The following CTNNA2 variants were observed in gnomAD, a reference collection of about 807,000 sequenced individuals.
CTNNA2 encodes the protein catenin alpha-2.
CTNNA2 carries 42 observed loss-of-function variants against 101.0 expected under a neutral mutation model. The ratio of observed to expected loss-of-function variants is 0.42; its 90% confidence interval spans 0.32 to 0.54. The LOEUF (loss-of-function observed/expected upper bound fraction) is 0.54. CTNNA2 is among the 20% of genes least tolerant of loss of function. The probability of loss-of-function intolerance (pLI) is 0.14; values close to 1 mark genes in which losing one functional copy is unlikely to be tolerated. For missense variants in CTNNA2, 871 were observed against 1,223.1 expected, an observed-to-expected ratio of 0.71 and a Z score of 4.29; for synonymous variants, 450 against 456.4, an observed-to-expected ratio of 0.99 and a Z score of 0.18.
chr2:79,847,126 C>A (rs1574119171), intron 3 of CTNNA2, among the ~76,000 whole-genome samples: 1 of 152,226 alleles, frequency 6.6e-6, no homozygotes, highest in East Asian at 1.9e-4. Context: ...CTTGACATTT[C>A]CCTTCTTAAA....
chr2:80,132,491 G>T (rs1468132549), intron 7 of CTNNA2, among the ~76,000 whole-genome samples: 1 of 152,192 alleles, frequency 6.6e-6, no homozygotes. Flanking sequence ...CAAGTGCAAA[G>T]TCTAGAAGCA....
rs553017164 is a variant in CTNNA2 at position 79,883,502 on chromosome 2, T to G, written c.852+9160T>G. ...AAATAATTGATAATCAATGGAAAAC[T>G]CAGCCTCTGTTTAGATGTGGCAGCT... is the stretch of plus-strand genomic sequence containing the variant. On this transcript the variant is annotated intron_variant, in intron 6 of 18. Transcript: ENST00000402739. Among the ~76,000 whole-genome samples the G allele has an allele frequency of 3.3e-5, 5 of 152,322 alleles. 1 individual carries two copies. In the East Asian group the frequency reaches 7.7e-4, roughly 24 times the overall value.
At chr2:80,104,104 A>G (rs796690077) in intron 7 of CTNNA2, among the ~76,000 whole-genome samples, 19 of 152,264 alleles carry the variant, frequency 1.2e-4, no homozygotes, top group African/African-American at 4.6e-4. Flanking sequence ...TCTCACAGTA[A>G]TACTAGATTG....
At chr2:80,577,569 TGAGAACA>T (rs1268208147) in intron 13 of CTNNA2, among the ~76,000 whole-genome samples, 2 of 152,106 alleles carry the variant, frequency 1.3e-5, no homozygotes, top group African/African-American at 2.4e-5. Context: ...GCCATGCTGG[TGAGAACA>T]GAATGTATGG....
intron 7 of CTNNA2, among the ~76,000 whole-genome samples, chr2:80,229,370 A>G (rs542252386): frequency 4.6e-5 from 7 of 152,306 alleles, no homozygotes; most frequent in Admixed American, 2.0e-4. Context: ...TTGACTGTCT[A>G]TCAGAGGTCC....
At chr2:79,847,388 C>A (rs1378154599) in intron 3 of CTNNA2, among the ~76,000 whole-genome samples, 1 of 151,536 alleles carries the variant, frequency 6.6e-6, no homozygotes, top group Non-Finnish European at 1.5e-5. Context: ...ACTAAAAGTA[C>A]AAAAATTAGC....
At chr2:80,098,503 T>G (rs2148835215) in intron 7 of CTNNA2, among the ~76,000 whole-genome samples, 1 of 152,318 alleles carries the variant, frequency 6.6e-6, no homozygotes, top group Admixed American at 6.5e-5. Context: ...TCAAGCTGCG[T>G]GTTGGGAGAA....
rs556694352 is a variant in CTNNA2, at chr2:80,324,701, T to G, written c.1057-68510T>G. ...TCCTTTTTTGGCGTGACCTTGAGAC[T>G]CCAAATCATCTGGACCTTGACCACC... On this transcript the variant is annotated intron_variant, in intron 7 of 18. Coordinates refer to ENST00000402739, the MANE Select transcript of CTNNA2 (RefSeq NM_001282597.3). 2.0e-4 allele frequency among the ~76,000 whole-genome samples: 31 copies of G among 152,290 alleles called. No individual in the cohort carries two copies. In the South Asian group the frequency reaches 6.2e-3, roughly 31 times the overall value.
chr2:80,040,702 C>A (rs1035131951), intron 7 of CTNNA2, among the ~76,000 whole-genome samples: 3 of 152,166 alleles, frequency 2.0e-5, no homozygotes, highest in African/African-American at 7.2e-5. Context: ...TAATTCACTC[C>A]CAGGCCTCTG....
intron 2 of CTNNA2, among the ~76,000 whole-genome samples, chr2:79,672,997 A>G (rs1022192969): frequency 1.3e-5 from 2 of 152,078 alleles, no homozygotes; most frequent in Non-Finnish European, 2.9e-5. Context: ...TGTGAGCCAC[A>G]GGGCACGGCC....
chr2:80,076,483 A>G (rs1698760566), intron 7 of CTNNA2, among the ~76,000 whole-genome samples: 1 of 150,940 alleles, frequency 6.6e-6, no homozygotes, highest in Non-Finnish European at 1.5e-5. Context: ...AGATCTCACT[A>G]TGTTGCCCAG....
intron 7 of CTNNA2, among the ~76,000 whole-genome samples, chr2:80,046,355 C>A (rs1315741865): frequency 6.6e-6 from 1 of 152,002 alleles, no homozygotes; most frequent in Non-Finnish European, 1.5e-5. Context: ...ATATATGTCT[C>A]CATCCACAGG....
intron 2 of CTNNA2, among the ~76,000 whole-genome samples, chr2:79,219,377 T>C (rs1387534500): frequency 6.6e-6 from 1 of 152,210 alleles, no homozygotes; most frequent in Non-Finnish European, 1.5e-5. Flanking sequence ...CGCACCGTCC[T>C]ATAGAGTAGC....
At chr2:79,302,109 A>T (rs1676126652) in intron 2 of CTNNA2, among the ~76,000 whole-genome samples, 1 of 151,766 alleles carries the variant, frequency 6.6e-6, no homozygotes, top group Non-Finnish European at 1.5e-5. Context: ...CAAATAAATA[A>T]ATAAATAAGT....
chr2:80,553,205 C>T (rs1395408610), intron 11 of CTNNA2, among the ~76,000 whole-genome samples: 1 of 141,426 alleles, frequency 7.1e-6, no homozygotes, highest in Non-Finnish European at 1.5e-5. Flanking sequence ...GCCTGGGCGA[C>T]AGAGGGAGAC....
intron 18 of CTNNA2, among the ~76,000 whole-genome samples, chr2:80,629,864 A>AG (rs1188024066): frequency 6.6e-6 from 1 of 152,200 alleles, no homozygotes; most frequent in East Asian, 1.9e-4. Flanking sequence ...TGAGAACCAT[A>AG]GGACTGGTTG....
intron 6 of CTNNA2, among the ~76,000 whole-genome samples, chr2:79,894,960 C>G (rs1404786472): frequency 1.3e-5 from 2 of 152,194 alleles, no homozygotes; most frequent in Non-Finnish European, 2.9e-5. Flanking sequence ...ACTTCTCAGT[C>G]TTCTGGAATG....
At chr2:80,488,313 T>G (rs1025389588) in intron 9 of CTNNA2, among the ~76,000 whole-genome samples, 1 of 152,140 alleles carries the variant, frequency 6.6e-6, no homozygotes, top group Non-Finnish European at 1.5e-5. Flanking sequence ...TTATATTTAT[T>G]TTTGTTTTTT....
At chr2:79,389,855 G>A (rs1315124922) in intron 4 of CTNNA2, among the ~76,000 whole-genome samples, 2 of 152,084 alleles carry the variant, frequency 1.3e-5, no homozygotes, top group Non-Finnish European at 2.9e-5. Context: ...ATAATCAATG[G>A]TATGCCTTCT....
Sources: gnomAD v4.1 joint callset for allele counts (sites outside exome capture counted in the v4.1 genomes callset) on GRCh38, gnomAD v4.1.1 for gene constraint, MANE v1.5 for transcripts, NCBI Gene and HGNC (gene_info 2026-07-23, HGNC 2026-07-21) for gene names.